The following BMPR1B variants were observed in gnomAD, a reference collection of about 807,000 sequenced individuals.
BMPR1B encodes the protein bone morphogenetic protein receptor type 1B, also known as bone morphogenetic protein receptor type-1B.
BMPR1B carries 12 observed loss-of-function variants against 59.1 expected under a neutral mutation model. The ratio of observed to expected loss-of-function variants is 0.20; its 90% confidence interval spans 0.13 to 0.33. BMPR1B has a LOEUF of 0.33. Among genes scored for constraint, BMPR1B ranks in the 10% least tolerant of loss-of-function variants. BMPR1B has a pLI of 1.00. For missense variants in BMPR1B, 550 were observed against 610.9 expected (o/e 0.90, Z 1.05); for synonymous variants, 237 against 207.3 (o/e 1.14, Z -1.23).
At chr4:95,056,031 C>A (rs1002177978) in intron 3 of BMPR1B, among the ~76,000 whole-genome samples, 1 of 152,238 alleles carries the variant, frequency 6.6e-6, no homozygotes, top group African/African-American at 2.4e-5. Context: ...TTTTCAAATG[C>A]ATATCTATTT....
chr4:94,910,658 A>G (rs1463508571), intron 2 of BMPR1B, among the ~76,000 whole-genome samples: 1 of 152,098 alleles, frequency 6.6e-6, no homozygotes, highest in Non-Finnish European at 1.5e-5. Flanking sequence ...CTGTAATCCC[A>G]GTACTTTGAG....
intron 2 of BMPR1B, among the ~76,000 whole-genome samples, chr4:94,987,585 A>G (rs1035908731): frequency 1.3e-5 from 2 of 151,846 alleles, no homozygotes; most frequent in Non-Finnish European, 1.5e-5. Context: ...TTCCATTCTG[A>G]TGTATGACTT....
At chr4:94,893,545 A>G (rs3775007) in intron 2 of BMPR1B, among the ~76,000 whole-genome samples, 30,534 of 151,920 alleles carry the variant, frequency 0.2, 3,102 homozygotes, top group South Asian at 0.32. Context: ...TTTTAGTACC[A>G]TGCTAATAAA....
intron 2 of BMPR1B, among the ~76,000 whole-genome samples, chr4:94,966,302 A>C (rs1730555427): frequency 6.6e-6 from 1 of 152,132 alleles, no homozygotes. Flanking sequence ...TTCTCATATA[A>C]CCTACTTATA....
rs73838620 is a variant in BMPR1B, at chr4:94,935,432, C to T, written c.-113+59532C>T. On this transcript the variant is annotated intron_variant, in intron 2 of 12. Coordinates refer to ENST00000515059, the MANE Select transcript of BMPR1B (RefSeq NM_001203.3). ...ACATGCCAGGCACCCTTCTAGGCAC[C>T]GTTGATAAAGTGGTGAACAAGACGG... Among the ~76,000 whole-genome samples the T allele has an allele frequency of 8.4e-3, 1,274 of 152,218 alleles. 25 individuals carry two copies. The highest frequency in any genetic ancestry group is 0.028 in the African/African-American group (1,174 of 41,504).
At chr4:94,853,831 A>C (rs149499736) in intron 1 of BMPR1B, among the ~76,000 whole-genome samples, 1 of 152,304 alleles carries the variant, frequency 6.6e-6, no homozygotes, top group Non-Finnish European at 1.5e-5. Context: ...TTAAAAAAAA[A>C]CAAATGAATA....
chr4:94,806,232 G>C lies in BMPR1B; in HGVS notation c.-183+48164G>C, dbSNP rs546885150. Among the ~76,000 whole-genome samples the C allele has an allele frequency of 1.7e-3, 264 of 152,244 alleles. 4 individuals are homozygous for C. Among genetic ancestry groups the C allele is most frequent in the African/African-American group, 6.2e-3 (259 of 41,546 alleles). On this transcript the variant is annotated intron_variant, in intron 1 of 12. Transcript: ENST00000515059. ...AAACTCAGCTCAGGCTGAGTCTACA[G>C]TATTTAGTGAATTCAGTTTTGACAG...
At chr4:94,820,772 C>T (rs1724179703) in intron 1 of BMPR1B, among the ~76,000 whole-genome samples, 1 of 152,182 alleles carries the variant, frequency 6.6e-6, no homozygotes, top group Non-Finnish European at 1.5e-5. Context: ...CTAAAAACTT[C>T]ATGAATTAGA....
intron 3 of BMPR1B, among the ~76,000 whole-genome samples, chr4:95,060,511 A>C (rs1032061919): frequency 1.3e-5 from 2 of 152,214 alleles, no homozygotes; most frequent in Non-Finnish European, 2.9e-5. Context: ...ATTTAGTATG[A>C]ACAATCCAAG....
chr4:94,934,453 GTTTTTTT>G (rs371268875), intron 2 of BMPR1B, among the ~76,000 whole-genome samples: 1 of 115,290 alleles, frequency 8.7e-6, no homozygotes, highest in African/African-American at 3.6e-5. Flanking sequence ...CCCAGCTATG[GTTTTTTT>G]TTTTTTTTTT....
At chr4:95,004,019 G>T (rs1344190832) in intron 3 of BMPR1B, among the ~76,000 whole-genome samples, 1 of 151,806 alleles carries the variant, frequency 6.6e-6, no homozygotes, top group Non-Finnish European at 1.5e-5. Flanking sequence ...TGTTGGCCAG[G>T]CTGATCTCAA....
intron 2 of BMPR1B, among the ~76,000 whole-genome samples, chr4:94,902,088 G>GTGTGTGTGTGTGTGTGTGTGT (rs201783533): frequency 3.3e-5 from 4 of 119,810 alleles, no homozygotes; most frequent in African/African-American, 1.0e-4. Flanking sequence ...TGTGTGTGTG[G>GTGTGTGTGTGTGTGTGTGTGT]GGTGTATTTA....
intron 3 of BMPR1B, chr4:95,091,663 CTGT>C (rs1729998117): frequency 1.0e-6 from 1 of 983,432 alleles, no homozygotes; most frequent in South Asian, 4.7e-5. Context: ...CTCACAGAGA[CTGT>C]TTTTTTTTTC....
chr4:94,820,298 A>G (rs1724158751), intron 1 of BMPR1B, among the ~76,000 whole-genome samples: 1 of 152,218 alleles, frequency 6.6e-6, no homozygotes, highest in Non-Finnish European at 1.5e-5. Context: ...TTATTATTAA[A>G]TGAACTAAAA....
chr4:94,892,259 C>T (rs759645404), intron 2 of BMPR1B, among the ~76,000 whole-genome samples: 2 of 152,000 alleles, frequency 1.3e-5, no homozygotes, highest in South Asian at 2.1e-4. Flanking sequence ...GTCTGGGAAC[C>T]AACAGCAGTG....
chr4:94,953,821 A>C (rs1036487361), intron 2 of BMPR1B, among the ~76,000 whole-genome samples: 2 of 151,994 alleles, frequency 1.3e-5, no homozygotes, highest in African/African-American at 4.8e-5. Context: ...AGGTTGGGGA[A>C]GTTCTCCTGG....
chr4:94,927,512 T>C (rs1728936435), intron 2 of BMPR1B, among the ~76,000 whole-genome samples: 1 of 152,166 alleles, frequency 6.6e-6, no homozygotes. Flanking sequence ...TTTGAGATTA[T>C]TATTGAAGGA....
At chr4:95,096,045 C>T (rs547820974) in intron 3 of BMPR1B, among the ~76,000 whole-genome samples, 182 of 43,360 alleles carry the variant, frequency 4.2e-3, no homozygotes, top group African/African-American at 0.012. Context: ...TTTTGTTCTG[C>T]ATTTTGTTTT....
At chr4:94,860,235 C>G (rs1725926277) in intron 1 of BMPR1B, among the ~76,000 whole-genome samples, 1 of 152,210 alleles carries the variant, frequency 6.6e-6, no homozygotes, top group Admixed American at 6.5e-5. Flanking sequence ...ACCTTTGGTC[C>G]TCCTTTAGGT....
Sources: gnomAD v4.1 joint callset for allele counts (sites outside exome capture counted in the v4.1 genomes callset) on GRCh38, gnomAD v4.1.1 for gene constraint, MANE v1.5 for transcripts, NCBI Gene and HGNC (gene_info 2026-07-23, HGNC 2026-07-21) for gene names.